Variants in DLEC1 observed in about 807,000 individuals in gnomAD.
DLEC1 encodes DLEC1 cilia and flagella associated protein.
A neutral mutation model predicts 198.1 loss-of-function variants in DLEC1; 146 were observed. The ratio of observed to expected loss-of-function variants is 0.74; its 90% confidence interval spans 0.64 to 0.85. The LOEUF (loss-of-function observed/expected upper bound fraction) is 0.85, where lower values mean the gene tolerates loss of function less well. Ranked by LOEUF, DLEC1 falls within the 40% of genes least tolerant of loss-of-function variation. DLEC1 has a pLI of 0.00. For missense variants in DLEC1, 2,233 were observed against 2,220.0 expected (o/e 1.01, Z -0.12); for synonymous variants, 897 against 866.8 (o/e 1.03, Z -0.61).
At chr3:38,096,472 T>C in intron 14 of DLEC1, 97 bp from the exon 15 acceptor site, 1 of 1,446,674 alleles carries the variant, frequency 6.9e-7, no homozygotes, top group Non-Finnish European at 9.3e-7. Context: ...GGCAGTGTTT[T>C]TTTTTTCACA....
Position 38,122,409 on chromosome 3 carries a change from C to G in DLEC1, c.5265C>G (p.Pro1755=), listed in dbSNP as rs144424576. 1.9e-6 allele frequency: 3 copies of G among 1,614,128 alleles called. No individual in the cohort carries two copies. Among genetic ancestry groups the G allele is most frequent in the Non-Finnish European group, 2.5e-6 (3 of 1,180,000 alleles). The stretch of plus-strand genomic sequence containing the variant: ...AGAGATACATGTTGCCTCACCAGCC[C>G]TGAGGCTCCGCCCCAGCCCTCAGCC... ...YDERYMLPHQ[P] Residue 1755 remains proline (P), a synonymous_variant, in exon 37 of 37, where the codon CCC becomes CCG. Transcript: ENST00000308059.
intron 6 of DLEC1, among the ~76,000 whole-genome samples, chr3:38,071,408 G>C (rs867682453): frequency 6.6e-6 from 1 of 152,224 alleles, no homozygotes; most frequent in African/African-American, 2.4e-5. Context: ...CTAAGAGACG[G>C]GCTAGCGGCT....
chr3:38,060,634 G>A (rs189880668), intron 3 of DLEC1, among the ~76,000 whole-genome samples: 3 of 152,236 alleles, frequency 2.0e-5, no homozygotes, highest in East Asian at 3.9e-4. Context: ...TCTGAGCTAC[G>A]TAGGGAAGTA....
At chr3:38,102,090 T>C (rs367922897) in intron 19 of DLEC1, among the ~76,000 whole-genome samples, 177 of 152,270 alleles carry the variant, frequency 1.2e-3, no homozygotes, top group African/African-American at 4.2e-3. Flanking sequence ...GCTTCCTCTC[T>C]TTCTCTACCC....
rs762468181 is a variant in DLEC1 at position 38,114,966 on chromosome 3, A to C, written c.3786-17A>C. ...CGCTGGCTGTGGCTGTACTGAGTCCAGTCTGTCCCCCTCCAGGTTCGGCAC... is the reference window on the plus strand; with the variant it reads ...CGCTGGCTGTGGCTGTACTGAGTCCCGTCTGTCCCCCTCCAGGTTCGGCAC... On this transcript the variant is annotated splice_polypyrimidine_tract_variant and intron_variant, in intron 26 of 36. Transcript: ENST00000308059. 1.2e-6 allele frequency: 2 copies of C among 1,612,102 alleles called. No homozygotes were observed. The highest frequency in any genetic ancestry group is 2.7e-5 in the African/African-American group (2 of 75,038).
intron 19 of DLEC1, 35 bp downstream of exon 19, chr3:38,100,460 C>T (rs201666401): frequency 1.2e-4 from 191 of 1,583,162 alleles, no homozygotes; most frequent in Non-Finnish European, 1.5e-4. Context: ...CTACAACAAA[C>T]TATGCATATT....
In DLEC1 at chr3:38,077,469, G is replaced by A. The variant is rs1219112206; in HGVS notation, c.1174-6689G>A. On this transcript the variant is annotated intron_variant, in intron 6 of 36. Coordinates refer to ENST00000308059, the MANE Select transcript of DLEC1 (RefSeq NM_007335.4). ...AGTATTGTCCAGTCCTTTTTAAGTTGGTGGCTGAGCTTGGTGAGGTTTGTT... is the reference window on the plus strand; with the variant it reads ...AGTATTGTCCAGTCCTTTTTAAGTTAGTGGCTGAGCTTGGTGAGGTTTGTT... 4.6e-5 allele frequency among the ~76,000 whole-genome samples: 7 copies of A among 152,308 alleles called. No individual in the cohort carries two copies. The East Asian group carries it at 1.3e-3, about 29-fold the overall frequency.
intron 18 of DLEC1, among the ~76,000 whole-genome samples, chr3:38,098,349 A>G (rs559926907): frequency 2.0e-4 from 30 of 152,326 alleles, no homozygotes; most frequent in Admixed American, 1.0e-3. Flanking sequence ...CCAAGGCTCC[A>G]AAAAGAAAAT....
chr3:38,062,232 AAG>A lies in DLEC1; in HGVS notation c.740_741del (p.Glu247AlafsTer6), dbSNP rs774315901. 6.2e-7 allele frequency: 1 copy of A among 1,614,238 alleles called. No homozygotes were observed. The highest frequency in any genetic ancestry group is 1.7e-5 in the Admixed American group (1 of 60,032). On this transcript the variant is annotated frameshift_variant, in exon 4 of 37. Transcript: ENST00000308059. LOFTEE classifies it high-confidence loss of function. Reference sequence around the variant, plus strand: ...TGTGAGAAGCGTTCCGTCCAGAAGAAAGAGCTGAACAAGAAGCTTGAAGATTC... The same window carrying A: ...TGTGAGAAGCGTTCCGTCCAGAAGAAAGCTGAACAAGAAGCTTGAAGATTC...
At chr3:38,055,601 C>G (rs1287390857) in intron 2 of DLEC1, among the ~76,000 whole-genome samples, 1 of 152,074 alleles carries the variant, frequency 6.6e-6, no homozygotes, top group East Asian at 1.9e-4. Context: ...GAGAGTGAGA[C>G]TCAAGGAACT....
At chr3:38,063,953 A>G in intron 6 of DLEC1, 34 bp downstream of exon 6, 1 of 1,366,664 alleles carries the variant, frequency 7.3e-7, no homozygotes. Context: ...CTCCCACCCC[A>G]TCTGCTTTCT....
intron 4 of DLEC1, 49 bp downstream of exon 4, chr3:38,062,417 A>T (rs757363624): frequency 7.5e-6 from 12 of 1,609,446 alleles, no homozygotes; most frequent in Non-Finnish European, 1.0e-5. Flanking sequence ...ACAGAGAGGC[A>T]GTGAAGGGGA....
intron 6 of DLEC1, among the ~76,000 whole-genome samples, chr3:38,078,866 A>T (rs191365368): frequency 1.2e-3 from 177 of 152,306 alleles, no homozygotes; most frequent in African/African-American, 4.1e-3. Context: ...TTGATAAGGC[A>T]TAGATCCTGA....
chr3:38,096,862 C>T, intron 15 of DLEC1, 125 bp downstream of exon 15: 1 of 1,226,004 alleles, frequency 8.2e-7, no homozygotes, highest in Non-Finnish European at 1.1e-6. Context: ...AGGCCATTCC[C>T]AGGGCTTTGA....
At position 38,115,067 on chromosome 3, in the gene DLEC1, G is replaced by T. The variant is rs768358627; in HGVS notation, c.3856+14G>T. On this transcript the variant is annotated intron_variant, in intron 27 of 36. Coordinates refer to ENST00000308059, the MANE Select transcript of DLEC1 (RefSeq NM_007335.4). ...CCAGCCCCTGTGGTAAGACATGCATGAGAGAAGTCAGTGTTCTTGCCACAG... is the reference window on the plus strand; with the variant it reads ...CCAGCCCCTGTGGTAAGACATGCATTAGAGAAGTCAGTGTTCTTGCCACAG... 1.2e-6 allele frequency: 2 copies of T among 1,613,700 alleles called. No homozygotes were observed. The highest frequency in any genetic ancestry group is 1.7e-6 in the Non-Finnish European group (2 of 1,179,780).
chr3:38,049,014 G>A (rs1338520678), intron 2 of DLEC1, among the ~76,000 whole-genome samples: 1 of 151,536 alleles, frequency 6.6e-6, no homozygotes, highest in South Asian at 2.1e-4. Flanking sequence ...GTCAGCTACT[G>A]TCCCTTTTTT....
At chr3:38,069,387 G>A (rs772053712) in intron 6 of DLEC1, among the ~76,000 whole-genome samples, 2 of 152,114 alleles carry the variant, frequency 1.3e-5, no homozygotes, top group Admixed American at 6.5e-5. Context: ...TAGGTAATAA[G>A]CCTAATTACC....
chr3:38,100,300 C>T lies in DLEC1; in HGVS notation c.2739C>T (p.Asp913=). The T allele has an allele frequency of 1.2e-6, 2 of 1,612,030 alleles. No individual in the cohort carries two copies. The highest frequency in any genetic ancestry group is 3.4e-5 in the Admixed American group (2 of 59,396). Residue 913 remains aspartate (D), a synonymous_variant, in exon 19 of 37, where the codon GAC becomes GAT. Coordinates refer to ENST00000308059, the MANE Select transcript of DLEC1 (RefSeq NM_007335.4). ...CTCCGGGGCAGGTGTCTCCCTTCGA[C>T]ATTGAGCCTTCGAGTGGCCAGCTTC... ...QERPEDVSPF[D]IEPSSGQLHS...
At position 38,088,595 on chromosome 3, in the gene DLEC1, C is replaced by T. The variant is rs58788472; in HGVS notation, c.1665+207C>T. Among the ~76,000 whole-genome samples, 351 of 152,250 alleles carry T rather than the reference C, an allele frequency of 2.3e-3. 2 individuals are homozygous for T. Among genetic ancestry groups the T allele is most frequent in the African/African-American group, 8.2e-3 (339 of 41,542 alleles). On this transcript the variant is annotated intron_variant, in intron 10 of 36. Coordinates refer to ENST00000308059, the MANE Select transcript of DLEC1 (RefSeq NM_007335.4). ...TTTCACAAAGCAAATGCAGATAGCC[C>T]TAGCATCACATCACAAACCTGAGCC... is the stretch of plus-strand genomic sequence containing the variant.
Sources: gnomAD v4.1 joint callset for allele counts (sites outside exome capture counted in the v4.1 genomes callset) on GRCh38, gnomAD v4.1.1 for gene constraint, MANE v1.5 for transcripts, NCBI Gene and HGNC (gene_info 2026-07-23, HGNC 2026-07-21) for gene names.